The following KIRREL3 variants were observed in gnomAD, a reference collection of about 807,000 sequenced individuals.
KIRREL3 encodes the protein kin of IRRE-like protein 3.
A neutral mutation model predicts 89.7 loss-of-function variants in KIRREL3; 36 were observed. That is an observed-to-expected ratio of 0.40 (90% CI 0.31 to 0.53). The LOEUF is 0.53. Among genes scored for constraint, KIRREL3 ranks in the 20% least tolerant of loss-of-function variants. KIRREL3 has a pLI of 0.49. For synonymous variants in KIRREL3, 445 were observed against 441.4 expected (o/e 1.01, Z -0.10); for missense variants, 864 against 1,056.6 (o/e 0.82, Z 2.53).
rs907715307 is a variant in KIRREL3, at chr11:126,664,644, T to A, written c.56-101732A>T. On this transcript the variant is annotated intron_variant, in intron 1 of 16. Transcript: ENST00000525144. The surrounding 1 kb of genome is among the most constrained non-coding windows in gnomAD (Gnocchi z 5.4). ...GTTACCAGCTCCGATGTGCCCTTCC[T>A]GCATGCCAAAGCCAGTTCTCTCTTG... Among the ~76,000 whole-genome samples, 3 of 152,206 alleles carry A rather than the reference T, an allele frequency of 2.0e-5. No individual in the cohort carries two copies. Among genetic ancestry groups the A allele is most frequent in the Admixed American group, 6.5e-5 (1 of 15,282 alleles).
rs78226802 is a variant in KIRREL3 at position 126,498,597 on chromosome 11, G to C, written c.433+22718C>G. Among the ~76,000 whole-genome samples, 1 of 152,144 alleles carries C rather than the reference G, an allele frequency of 6.6e-6. No homozygotes were observed. The highest frequency in any genetic ancestry group is 1.5e-5 in the Non-Finnish European group (1 of 68,046). On this transcript the variant is annotated intron_variant, in intron 4 of 16. Transcript: ENST00000525144. The surrounding 1 kb of genome is among the most constrained non-coding windows in gnomAD (Gnocchi z 4.3). ...TCCCAGAGAGGTGCTAATGGTCTCC[G>C]GGGCATGCCAAGTGTCACAGCCAGG...
Position 126,630,695 on chromosome 11 carries a change from G to A in KIRREL3, c.56-67783C>T, listed in dbSNP as rs141146471. On this transcript the variant is annotated intron_variant, in intron 1 of 16. Coordinates refer to ENST00000525144, the MANE Select transcript of KIRREL3 (RefSeq NM_032531.4). ...GATTGCCTCCTGCTTGTGCCTCAGG[G>A]CCCTAAGCTTTTAGAAGCATGCCTC... is the stretch of plus-strand genomic sequence containing the variant. 7.2e-5 allele frequency among the ~76,000 whole-genome samples: 11 copies of A among 152,206 alleles called. No individual in the cohort carries two copies. The East Asian group carries it at 1.9e-3, about 27-fold the overall frequency.
rs1204529854 is a variant in KIRREL3, at chr11:126,495,303, C to T, written c.434-21837G>A. Among the ~76,000 whole-genome samples, 1 of 152,180 alleles carries T rather than the reference C, an allele frequency of 6.6e-6. No homozygotes were observed. The highest frequency in any genetic ancestry group is 1.5e-5 in the Non-Finnish European group (1 of 68,026). On this transcript the variant is annotated intron_variant, in intron 4 of 16. Transcript: ENST00000525144. This position sits in a 1 kb window ranked among gnomAD's most constrained non-coding sequence, Gnocchi z 6.5. ...CCCATCAGCTTGACTTCCGGGCCCT[C>T]TGTACCCTGGCCCAAGCCTCTCTTG...
intron 1 of KIRREL3, among the ~76,000 whole-genome samples, chr11:126,941,674 GA>G (rs148139241): frequency 0.025 from 3,762 of 152,248 alleles, 193 homozygotes; most frequent in African/African-American, 0.085. Flanking sequence ...GATGAATAAG[GA>G]TTCCTGGAAT....
rs556955184 is a variant in KIRREL3 at position 126,624,846 on chromosome 11, G to A, written c.56-61934C>T. Among the ~76,000 whole-genome samples, 29 of 152,294 alleles carry A rather than the reference G, an allele frequency of 1.9e-4. No homozygotes were observed. Among genetic ancestry groups the A allele is most frequent in the Admixed American group, 2.0e-4 (3 of 15,302 alleles). ...GAAGGGCCCGTTGGATACTGACCCA[G>A]GGCTTGGGGAGATAGCCTGCACTTT... On this transcript the variant is annotated intron_variant, in intron 1 of 16. Coordinates refer to ENST00000525144, the MANE Select transcript of KIRREL3 (RefSeq NM_032531.4). The surrounding 1 kb of genome is among the most constrained non-coding windows in gnomAD (Gnocchi z 6.0).
intron 13 of KIRREL3, among the ~76,000 whole-genome samples, chr11:126,433,339 C>T (rs1955204626): frequency 6.6e-6 from 1 of 150,460 alleles, no homozygotes; most frequent in African/African-American, 2.5e-5. Context: ...GGAGAAAGAC[C>T]TCAAACCCTG....
chr11:126,675,118 T>G (rs764921763), intron 1 of KIRREL3, among the ~76,000 whole-genome samples: 12 of 152,210 alleles, frequency 7.9e-5, no homozygotes, highest in Non-Finnish European at 1.6e-4. Flanking sequence ...GGGAGAATGA[T>G]GTCAGCACCA....
In KIRREL3 at chr11:126,997,636, T is replaced by C. The variant is rs985591432; in HGVS notation, c.55+2819A>G. On this transcript the variant is annotated intron_variant, in intron 1 of 16. Transcript: ENST00000525144. The surrounding 1 kb of genome is among the most constrained non-coding windows in gnomAD (Gnocchi z 4.3). The stretch of plus-strand genomic sequence containing the variant: ...AAAAGGTTATAAGAAAAAGTAAAGG[T>C]AAACAAACATTTGACAAATTAGGAA... 1.3e-5 allele frequency among the ~76,000 whole-genome samples: 2 copies of C among 152,190 alleles called. No individual in the cohort carries two copies. The highest frequency in any genetic ancestry group is 2.9e-5 in the Non-Finnish European group (2 of 68,022).
rs1265988794 is a variant in KIRREL3, at chr11:126,755,838, AGAGAG to A, written c.56-192931_56-192927del. ...GCCATTCAGGCAGAGAGAGAGAGAG[AGAGAG>A]AGAGAGAGAGAGGGAGAGAGGGAGA... is the stretch of plus-strand genomic sequence containing the variant. On this transcript the variant is annotated intron_variant, in intron 1 of 16. Coordinates refer to ENST00000525144, the MANE Select transcript of KIRREL3 (RefSeq NM_032531.4). This position sits in a 1 kb window ranked among gnomAD's most constrained non-coding sequence, Gnocchi z 4.3. 1.4e-5 allele frequency among the ~76,000 whole-genome samples: 2 copies of A among 140,620 alleles called. No individual in the cohort carries two copies. The highest frequency in any genetic ancestry group is 3.1e-5 in the Non-Finnish European group (2 of 65,516). 92.3% of individuals were successfully genotyped at this position (140,620 alleles called of 152,430 possible).
At chr11:126,933,169 G>A (rs1041697754) in intron 1 of KIRREL3, among the ~76,000 whole-genome samples, 1 of 152,062 alleles carries the variant, frequency 6.6e-6, no homozygotes, top group East Asian at 1.9e-4. Context: ...CAGGACAAAG[G>A]AAAAATGCTG....
At chr11:126,854,126 T>TTTTGTGTGTGTG (rs1555060276) in intron 1 of KIRREL3, among the ~76,000 whole-genome samples, 3 of 144,016 alleles carry the variant, frequency 2.1e-5, no homozygotes, top group South Asian at 2.3e-4. Flanking sequence ...AATAAGTTTC[T>TTTTGTGTGTGTG]TGTGTGTGTG....
rs1049658942 is a variant in KIRREL3 at position 126,940,022 on chromosome 11, A to G, written c.55+60433T>C. On this transcript the variant is annotated intron_variant, in intron 1 of 16. Coordinates refer to ENST00000525144, the MANE Select transcript of KIRREL3 (RefSeq NM_032531.4). The surrounding 1 kb of genome is among the most constrained non-coding windows in gnomAD (Gnocchi z 4.6). ...TCTATCCTACTCTACCAACCTTCAGACTCTTCTAGCTACAGGCTTTCCCAG... is the reference window on the plus strand; with the variant it reads ...TCTATCCTACTCTACCAACCTTCAGGCTCTTCTAGCTACAGGCTTTCCCAG... Among the ~76,000 whole-genome samples, 12 of 151,960 alleles carry G rather than the reference A, an allele frequency of 7.9e-5. No individual in the cohort carries two copies. The highest frequency in any genetic ancestry group is 3.2e-3 in the Middle Eastern group (1 of 316).
At chr11:126,598,290 A>T (rs1591797430) in intron 1 of KIRREL3, among the ~76,000 whole-genome samples, 1 of 152,206 alleles carries the variant, frequency 6.6e-6, no homozygotes, top group African/African-American at 2.4e-5. Flanking sequence ...CTTGGGGCAA[A>T]GAGTGCTATT....
In KIRREL3 at chr11:126,892,003, C is replaced by CAA. The variant is rs1945943163; in HGVS notation, c.55+108451_55+108452insTT. 6.6e-6 allele frequency among the ~76,000 whole-genome samples: 1 copy of CAA among 152,198 alleles called. No individual in the cohort carries two copies. The highest frequency in any genetic ancestry group is 6.5e-5 in the Admixed American group (1 of 15,280). ...ATTGGGAATGGTTGGCTCCCTTCCCCTTCCTTCCATGCCCAGCTGGAGACA... is the reference window on the plus strand; with the variant it reads ...ATTGGGAATGGTTGGCTCCCTTCCCCAATTCCTTCCATGCCCAGCTGGAGACA... On this transcript the variant is annotated intron_variant, in intron 1 of 16. Coordinates refer to ENST00000525144, the MANE Select transcript of KIRREL3 (RefSeq NM_032531.4). This position sits in a 1 kb window ranked among gnomAD's most constrained non-coding sequence, Gnocchi z 5.4.
chr11:126,688,011 A>C (rs1481307475), intron 1 of KIRREL3, among the ~76,000 whole-genome samples: 1 of 152,242 alleles, frequency 6.6e-6, no homozygotes, highest in Non-Finnish European at 1.5e-5. Context: ...ATTTACGAAA[A>C]TGTCAAGGGG....
At chr11:126,499,660 C>T (rs757285638) in intron 4 of KIRREL3, among the ~76,000 whole-genome samples, 51 of 152,174 alleles carry the variant, frequency 3.4e-4, no homozygotes, top group Non-Finnish European at 5.9e-4. Context: ...GCAGGGTGGG[C>T]GTCTATCTTT....
rs908687495 is a variant in KIRREL3 at position 126,502,957 on chromosome 11, C to T, written c.433+18358G>A. ...TGAGCTGGTGTGCGGCTCAGATAAT[C>T]GGCCAAGCTGATTTCTCCCTCATTG... is the stretch of plus-strand genomic sequence containing the variant. On this transcript the variant is annotated intron_variant, in intron 4 of 16. Transcript: ENST00000525144. Among the ~76,000 whole-genome samples, 10 of 152,186 alleles carry T rather than the reference C, an allele frequency of 6.6e-5. No homozygotes were observed. In the East Asian group the frequency reaches 7.7e-4, roughly 12 times the overall value.
intron 1 of KIRREL3, among the ~76,000 whole-genome samples, chr11:126,580,462 G>A (rs1027237630): frequency 2.6e-5 from 4 of 152,172 alleles, no homozygotes; most frequent in African/African-American, 4.8e-5. Flanking sequence ...TTCAGGTTGC[G>A]ATGGGCAAGG....
Position 126,645,989 on chromosome 11 carries a change from T to C in KIRREL3, c.56-83077A>G, listed in dbSNP as rs1944650787. Among the ~76,000 whole-genome samples the C allele has an allele frequency of 6.6e-6, 1 of 152,218 alleles. No individual in the cohort carries two copies. Among genetic ancestry groups the C allele is most frequent in the African/African-American group, 2.4e-5 (1 of 41,456 alleles). On this transcript the variant is annotated intron_variant, in intron 1 of 16. Coordinates refer to ENST00000525144, the MANE Select transcript of KIRREL3 (RefSeq NM_032531.4). This position sits in a 1 kb window ranked among gnomAD's most constrained non-coding sequence, Gnocchi z 4.9. ...GGCGGCACTCGGAATGATGTACGAG[T>C]ACTCTTGTCCTCAAAATGATTCTTC... is the stretch of plus-strand genomic sequence containing the variant.
Sources: allele counts gnomAD v4.1 joint callset (sites outside exome capture counted in the v4.1 genomes callset), GRCh38; gene constraint gnomAD v4.1.1; non-coding constraint Gnocchi (gnomAD v3.1); transcripts MANE v1.5; gene names NCBI Gene and HGNC (gene_info 2026-07-23, HGNC 2026-07-21).